The following KIAA0586 variants were observed in gnomAD, a reference collection of about 807,000 sequenced individuals.
KIAA0586 encodes KIAA0586.
Under a neutral mutation model 169.8 loss-of-function variants are expected in KIAA0586, and 144 were observed. That is an observed-to-expected ratio of 0.85 (90% CI 0.74 to 0.97). The LOEUF (loss-of-function observed/expected upper bound fraction) is 0.97. Among genes scored for constraint, KIAA0586 ranks in the 50% least tolerant of loss-of-function variants. KIAA0586 has a pLI of 0.00. For missense variants in KIAA0586, 1,854 were observed against 1,823.0 expected (o/e 1.02, Z -0.31); for synonymous variants, 625 against 612.4 (o/e 1.02, Z -0.30).
downstream of KIAA0586, among the ~76,000 whole-genome samples, chr14:58,554,609 C>T (rs947773162): frequency 6.6e-6 from 1 of 152,150 alleles, no homozygotes; most frequent in African/African-American, 2.4e-5. Context: ...TGGCCATTAA[C>T]ACTGGTGGCA....
chr14:58,537,858 AG>A (rs2046400118), intron 29 of KIAA0586, among the ~76,000 whole-genome samples: 1 of 152,170 alleles, frequency 6.6e-6, no homozygotes, highest in East Asian at 1.9e-4. Flanking sequence ...CGTGTTAGCC[AG>A]GATGGTCTCG....
chr14:58,451,465 G>C (rs1044132840), intron 8 of KIAA0586, among the ~76,000 whole-genome samples: 1 of 151,914 alleles, frequency 6.6e-6, no homozygotes, highest in South Asian at 2.1e-4. Context: ...GGGCTCAAGC[G>C]ATCTGCCCGC....
At chr14:58,485,107 A>G (rs1192366170) in intron 21 of KIAA0586, among the ~76,000 whole-genome samples, 1 of 149,084 alleles carries the variant, frequency 6.7e-6, no homozygotes, top group Non-Finnish European at 1.5e-5. Flanking sequence ...CATTTTTAGT[A>G]GAAACGGGGT....
At chr14:58,514,843 G>A (rs750019373) in intron 29 of KIAA0586, among the ~76,000 whole-genome samples, 29 of 151,906 alleles carry the variant, frequency 1.9e-4, no homozygotes, top group Non-Finnish European at 3.8e-4. Flanking sequence ...TTTTAAAAAA[G>A]TATTTGAATG....
chr14:58,554,158 C>T (rs953545262), downstream of KIAA0586, among the ~76,000 whole-genome samples: 7 of 151,960 alleles, frequency 4.6e-5, no homozygotes, highest in Admixed American at 1.3e-4. Context: ...ATGCAAGCAG[C>T]GTTCAAGCCT....
chr14:58,474,716 C>A lies in KIAA0586; in HGVS notation c.2744C>A (p.Ala915Asp), dbSNP rs2041475282. Residue 915 changes from alanine to aspartate, a missense_variant, in exon 19 of 31, where the codon GCT becomes GAT. Physicochemically the swap from Ala to Asp is moderately radical, Grantham distance 126. Coordinates refer to ENST00000652326, the MANE Select transcript of KIAA0586 (RefSeq NM_001329943.3). ...AATGGTCCTCCATTTCCGCCAGTTG[C>A]TTCTACTTTTCAGCCCACTGCTGAT... ...KYNGPPFPPV[A>D]STFQPTADIL... 1 of 1,613,326 alleles carries A rather than the reference C, an allele frequency of 6.2e-7. No individual in the cohort carries two copies. Among genetic ancestry groups the A allele is most frequent in the Admixed American group, 1.7e-5 (1 of 59,952 alleles).
At chr14:58,504,483 T>C (rs990534895) in intron 27 of KIAA0586, among the ~76,000 whole-genome samples, 1 of 152,144 alleles carries the variant, frequency 6.6e-6, no homozygotes, top group Non-Finnish European at 1.5e-5. Context: ...TTGACTTTCA[T>C]ACAAATGAAA....
chr14:58,528,048 A>G (rs181656968), intron 29 of KIAA0586, among the ~76,000 whole-genome samples: 2 of 152,232 alleles, frequency 1.3e-5, no homozygotes, highest in Non-Finnish European at 2.9e-5. Flanking sequence ...AAAGCATGGG[A>G]TGCAATCCTA....
At chr14:58,468,559 G>A (rs996807948) in intron 16 of KIAA0586, among the ~76,000 whole-genome samples, 2 of 152,176 alleles carry the variant, frequency 1.3e-5, no homozygotes, top group African/African-American at 4.8e-5. Context: ...ACTAACATAT[G>A]TTAGAAGACT....
intron 6 of KIAA0586, among the ~76,000 whole-genome samples, chr14:58,447,269 G>C (rs1465332642): frequency 6.6e-6 from 1 of 151,808 alleles, no homozygotes; most frequent in Non-Finnish European, 1.5e-5. Flanking sequence ...GGTTTTTCTT[G>C]GCCTGGCATA....
chr14:58,475,844 A>G (rs2041573629), intron 19 of KIAA0586, among the ~76,000 whole-genome samples: 1 of 152,210 alleles, frequency 6.6e-6, no homozygotes, highest in African/African-American at 2.4e-5. Context: ...TCATGCCTGT[A>G]ATCCCAGCAC....
At chr14:58,518,699 G>A (rs1031431219) in intron 29 of KIAA0586, among the ~76,000 whole-genome samples, 4 of 152,092 alleles carry the variant, frequency 2.6e-5, no homozygotes, top group African/African-American at 9.7e-5. Flanking sequence ...ACTTCTATAT[G>A]CCTACAAATT....
intron 29 of KIAA0586, among the ~76,000 whole-genome samples, chr14:58,524,853 C>A (rs1220466423): frequency 2.6e-5 from 4 of 152,164 alleles, no homozygotes; most frequent in Admixed American, 2.6e-4. Flanking sequence ...GTAGCTGGGA[C>A]TGCAGGTGCG....
intron 21 of KIAA0586, among the ~76,000 whole-genome samples, chr14:58,485,095 T>C (rs67715034): frequency 0.24 from 36,055 of 148,736 alleles, 4,521 homozygotes; most frequent in Middle Eastern, 0.35. Flanking sequence ...AGCTAATTTT[T>C]GCATTTTTAG....
At chr14:58,528,895 A>C (rs1385307148) in intron 29 of KIAA0586, among the ~76,000 whole-genome samples, 1 of 152,180 alleles carries the variant, frequency 6.6e-6, no homozygotes, top group Admixed American at 6.5e-5. Context: ...AAAACCCTTA[A>C]AAAAATCAAT....
chr14:58,461,519 C>T (rs1350377625), intron 14 of KIAA0586, among the ~76,000 whole-genome samples: 2 of 152,040 alleles, frequency 1.3e-5, no homozygotes, highest in African/African-American at 2.4e-5. Context: ...ACTGCAGCCT[C>T]GACCTACTGG....
chr14:58,540,091 C>A lies in KIAA0586; in HGVS notation c.4450C>A (p.Arg1484=). The A allele has an allele frequency of 6.4e-7, 1 of 1,559,604 alleles. No homozygotes were observed. The highest frequency in any genetic ancestry group is 8.7e-7 in the Non-Finnish European group (1 of 1,148,024). ...QQQVSPGDMD[R]TQIELNPYLT... is the part of the protein sequence containing the mutation. The stretch of plus-strand genomic sequence containing the variant: ...TGTAGTTTCACCAGGTGATATGGAT[C>A]GGACACAAATTGAGCTTAATCCGTA... The change falls in exon 30 of 31, where the codon CGG becomes AGG. Residue 1484 remains arginine, a synonymous_variant. Coordinates refer to ENST00000652326, the MANE Select transcript of KIAA0586 (RefSeq NM_001329943.3).
At chr14:58,559,638 C>G in the KIAA0586 span, among the ~76,000 whole-genome samples, 1 of 152,132 alleles carries the variant, frequency 6.6e-6, no homozygotes, top group African/African-American at 2.4e-5. Context: ...TTTCTCTTTC[C>G]TCTGTCCATC....
chr14:58,448,309 G>A (rs1595136201), intron 6 of KIAA0586, 31 bp from the exon 7 acceptor site: 1 of 1,347,384 alleles, frequency 7.4e-7, no homozygotes, highest in Non-Finnish European at 1.0e-6. Context: ...AATGATATTT[G>A]AAAATAATAA....
Sources: allele counts gnomAD v4.1 joint callset (sites outside exome capture counted in the v4.1 genomes callset), GRCh38; gene constraint gnomAD v4.1.1; transcripts MANE v1.5; gene names NCBI Gene and HGNC (gene_info 2026-07-23, HGNC 2026-07-21).